The following ZFHX3 variants were observed in gnomAD, a reference collection of about 807,000 sequenced individuals.
ZFHX3 encodes zinc finger homeobox 3.
In ZFHX3, 42 loss-of-function variants were observed where a neutral mutation model predicts 279.1. The ratio of observed to expected loss-of-function variants is 0.15; its 90% CI spans 0.12 to 0.19. ZFHX3 has a LOEUF of 0.19. Among genes scored for constraint, ZFHX3 ranks in the 10% least tolerant of loss-of-function variants. ZFHX3 has a pLI of 1.00. For synonymous variants in ZFHX3, 2,293 were observed against 1,957.8 expected (o/e 1.17, Z -4.52); for missense variants, 4,981 against 4,754.0 (o/e 1.05, Z -1.40).
intron 1 of ZFHX3, among the ~76,000 whole-genome samples, chr16:72,977,154 C>G (rs1287334019): frequency 6.6e-6 from 1 of 152,148 alleles, no homozygotes; most frequent in Admixed American, 6.5e-5. Flanking sequence ...CTTAGGTAAC[C>G]CAACTGGTTT....
intron 5 of ZFHX3, among the ~76,000 whole-genome samples, chr16:73,152,846 C>A (rs537262914): frequency 1.3e-4 from 20 of 150,644 alleles, no homozygotes; most frequent in African/African-American, 4.7e-4. Context: ...GGAGTAATCG[C>A]GAGAAGAGAG....
intron 2 of ZFHX3, among the ~76,000 whole-genome samples, chr16:73,570,949 C>CAAAAAA (rs71156173): frequency 1.6e-3 from 221 of 142,056 alleles, no homozygotes; most frequent in East Asian, 6.3e-3. Context: ...CTTTTCTTCT[C>CAAAAAA]AAAAAAAAAA....
At chr16:73,069,823 A>G (rs1439674495) in intron 8 of ZFHX3, among the ~76,000 whole-genome samples, 1 of 152,206 alleles carries the variant, frequency 6.6e-6, no homozygotes, top group East Asian at 1.9e-4. Flanking sequence ...AACTGGTCAT[A>G]ATGGTATATC....
chr16:73,847,849 T>C (rs1326966210), intron 1 of ZFHX3, among the ~76,000 whole-genome samples: 3 of 150,842 alleles, frequency 2.0e-5, no homozygotes, highest in Admixed American at 1.3e-4. Context: ...GTGATTCTCC[T>C]GCCTCAGCCT....
chr16:72,962,362 C>T (rs1008576985), intron 1 of ZFHX3, among the ~76,000 whole-genome samples: 3 of 152,226 alleles, frequency 2.0e-5, no homozygotes, highest in Non-Finnish European at 4.4e-5. Context: ...CTTTTAAAAC[C>T]TCCCTTACTT....
At chr16:73,603,773 T>TC (rs1491323093) in intron 2 of ZFHX3, among the ~76,000 whole-genome samples, 1 of 4,470 alleles carries the variant, frequency 2.2e-4, no homozygotes. Context: ...AAAAATACGC[T>TC]TTTTTTTTTT....
chr16:73,604,616 G>A (rs541236002), intron 2 of ZFHX3, among the ~76,000 whole-genome samples: 75 of 152,084 alleles, frequency 4.9e-4, no homozygotes, highest in Non-Finnish European at 7.8e-4. Context: ...CATGGTGGCA[G>A]ATACCTGTAA....
At chr16:73,439,616 C>T (rs904053586) in intron 3 of ZFHX3, among the ~76,000 whole-genome samples, 9 of 152,074 alleles carry the variant, frequency 5.9e-5, no homozygotes, top group African/African-American at 2.2e-4. Flanking sequence ...ACATTTTTCC[C>T]ATTAGTGTTT....
At chr16:73,611,009 G>T (rs938578128) in intron 2 of ZFHX3, among the ~76,000 whole-genome samples, 1 of 152,196 alleles carries the variant, frequency 6.6e-6, no homozygotes, top group East Asian at 1.9e-4. Flanking sequence ...ACCTCAACTC[G>T]AGCAGAAACA....
At chr16:73,600,635 T>A (rs1393222523) in intron 2 of ZFHX3, among the ~76,000 whole-genome samples, 1 of 152,224 alleles carries the variant, frequency 6.6e-6, no homozygotes, top group South Asian at 2.1e-4. Flanking sequence ...TTAGCCAGAA[T>A]GGTCTCGATC....
At chr16:73,147,691 CAAAAAA>C (rs56079754) in intron 5 of ZFHX3, among the ~76,000 whole-genome samples, 16 of 40,896 alleles carry the variant, frequency 3.9e-4, no homozygotes, top group African/African-American at 1.7e-3. Context: ...GACTCCGTCT[CAAAAAA>C]AAAAAAAAAA....
intron 4 of ZFHX3, among the ~76,000 whole-genome samples, chr16:72,861,349 T>C (rs1239111269): frequency 1.3e-5 from 2 of 152,208 alleles, no homozygotes; most frequent in Non-Finnish European, 2.9e-5. Flanking sequence ...ACCCCCAGGA[T>C]GGAGAAGCCA....
chr16:73,541,741 C>T (rs1050583180), intron 2 of ZFHX3, among the ~76,000 whole-genome samples: 5 of 146,316 alleles, frequency 3.4e-5, no homozygotes, highest in Non-Finnish European at 3.0e-5. Context: ...CTCCTTCTGT[C>T]TTCCCTCCCA....
intron 1 of ZFHX3, among the ~76,000 whole-genome samples, chr16:73,047,429 G>A (rs1305108087): frequency 6.6e-6 from 1 of 152,120 alleles, no homozygotes; most frequent in Non-Finnish European, 1.5e-5. Flanking sequence ...ATTTTTAGGC[G>A]GAGGCACCCA....
chr16:73,107,317 A>T (rs977606737), intron 7 of ZFHX3, among the ~76,000 whole-genome samples: 4 of 151,940 alleles, frequency 2.6e-5, no homozygotes, highest in Non-Finnish European at 5.9e-5. Context: ...CTCAAAAAAT[A>T]ATAAAATAAA....
intron 5 of ZFHX3, among the ~76,000 whole-genome samples, chr16:73,173,831 A>C (rs1290694832): frequency 6.6e-6 from 1 of 152,162 alleles, no homozygotes; most frequent in Non-Finnish European, 1.5e-5. Context: ...GGGCAGTTGC[A>C]AGCCTGTATG....
chr16:73,517,536 A>G (rs1175319816), intron 2 of ZFHX3, among the ~76,000 whole-genome samples: 1 of 152,236 alleles, frequency 6.6e-6, no homozygotes, highest in African/African-American at 2.4e-5. Context: ...CAGGCAAGAA[A>G]TCTGAGAGCA....
At chr16:73,040,212 C>G (rs556279309) in intron 1 of ZFHX3, among the ~76,000 whole-genome samples, 52 of 152,128 alleles carry the variant, frequency 3.4e-4, no homozygotes, top group African/African-American at 1.2e-3. Flanking sequence ...CTGTGACAGG[C>G]AACGGAGCAG....
chr16:72,821,815 T>C (rs959570725), intron 5 of ZFHX3: 2 of 152,186 alleles, frequency 1.3e-5, no homozygotes, highest in African/African-American at 4.8e-5. Flanking sequence ...GTCTGGCACA[T>C]AGTGAAAGCG....
Sources: gnomAD v4.1 joint callset for allele counts (sites outside exome capture counted in the v4.1 genomes callset) on GRCh38, gnomAD v4.1.1 for gene constraint, MANE v1.5 for transcripts, NCBI Gene and HGNC (gene_info 2026-07-23, HGNC 2026-07-21) for gene names.